The following SLCO3A1 variants were observed in gnomAD, a reference collection of about 807,000 sequenced individuals.
SLCO3A1 encodes PGE1 transporter.
In SLCO3A1, 27 loss-of-function variants were observed where a neutral mutation model predicts 63.1. The ratio of observed to expected loss-of-function variants is 0.43; its 90% CI spans 0.32 to 0.59. SLCO3A1 has a LOEUF of 0.59. SLCO3A1 is among the 20% of genes least tolerant of loss of function. The pLI is 0.09. For synonymous variants in SLCO3A1, 473 were observed against 409.9 expected (o/e 1.15, Z -1.86); for missense variants, 773 against 945.8 (o/e 0.82, Z 2.40).
chr15:92,027,790 A>G (rs1245655656), intron 2 of SLCO3A1, among the ~76,000 whole-genome samples: 1 of 152,218 alleles, frequency 6.6e-6, no homozygotes, highest in Non-Finnish European at 1.5e-5. Flanking sequence ...TGAAAACAGG[A>G]CCGCGTAAAA....
chr15:91,926,507 ATGAG>A (rs10557597), intron 2 of SLCO3A1, among the ~76,000 whole-genome samples: 8,243 of 150,170 alleles, frequency 0.055, 806 homozygotes, highest in African/African-American at 0.19. Context: ...AGCTAAATAA[ATGAG>A]TATGTTCCAT....
chr15:92,046,377 A>G (rs76579996), intron 2 of SLCO3A1, among the ~76,000 whole-genome samples: 1 of 151,734 alleles, frequency 6.6e-6, no homozygotes, highest in African/African-American at 2.4e-5. Context: ...AAAAAAAAAA[A>G]TACCTGGGCG....
chr15:92,009,134 G>A (rs1340640920), intron 2 of SLCO3A1, among the ~76,000 whole-genome samples: 1 of 152,196 alleles, frequency 6.6e-6, no homozygotes, highest in Non-Finnish European at 1.5e-5. Flanking sequence ...TCAAGGTCAA[G>A]GGCTGCATGC....
At chr15:91,903,758 G>C (rs1035454672) in intron 1 of SLCO3A1, among the ~76,000 whole-genome samples, 9 of 152,308 alleles carry the variant, frequency 5.9e-5, no homozygotes, top group Admixed American at 5.9e-4. Context: ...GCCATAAGAT[G>C]GTAGCCATAG....
intron 1 of SLCO3A1, among the ~76,000 whole-genome samples, chr15:91,890,496 T>C (rs1296924667): frequency 6.6e-6 from 1 of 152,210 alleles, no homozygotes; most frequent in Non-Finnish European, 1.5e-5. Context: ...CCCAGAGCTC[T>C]ATCCCCTATG....
chr15:91,917,189 C>A (rs567191749), intron 2 of SLCO3A1, among the ~76,000 whole-genome samples: 1 of 152,216 alleles, frequency 6.6e-6, no homozygotes, highest in East Asian at 1.9e-4. Flanking sequence ...GCCAGCCCCG[C>A]ATCTCTATCC....
chr15:92,162,707 A>C, intron 9 of SLCO3A1, 49 bp from the exon 10 acceptor site: 1 of 1,562,536 alleles, frequency 6.4e-7, no homozygotes, highest in Non-Finnish European at 8.7e-7. Context: ...GGAACAGGGG[A>C]GCACTGGCCA....
At chr15:91,921,937 G>A (rs2151383475) in intron 2 of SLCO3A1, among the ~76,000 whole-genome samples, 1 of 151,968 alleles carries the variant, frequency 6.6e-6, no homozygotes, top group South Asian at 2.1e-4. Context: ...GTTTCGTCAT[G>A]TTGTCCAGGC....
chr15:92,016,238 TAGATAGATAGATAGATTAGATAGATAG>T (rs2046428582), intron 2 of SLCO3A1, among the ~76,000 whole-genome samples: 2 of 59,164 alleles, frequency 3.4e-5, no homozygotes, highest in East Asian at 4.1e-3. Context: ...GATAGATAGA[TAGATAGATAGATAGATTAGATAGATAG>T]ATAGATAGAT....
At chr15:92,133,806 T>C (rs2048024393) in intron 7 of SLCO3A1, among the ~76,000 whole-genome samples, 1 of 151,862 alleles carries the variant, frequency 6.6e-6, no homozygotes, top group African/African-American at 2.4e-5. Flanking sequence ...ATAATAGAAA[T>C]AAAGCGCATG....
At chr15:91,889,221 G>T (rs770794521) in intron 1 of SLCO3A1, 4 of 1,245,470 alleles carry the variant, frequency 3.2e-6, no homozygotes, top group Non-Finnish European at 4.2e-6. Context: ...TTCTAAAATT[G>T]TTGCCAGGAA....
chr15:91,872,124 G>A lies in SLCO3A1; in HGVS notation c.180+18036G>A, dbSNP rs1897296034. ...GGGGAATTGCCTTCGTCGAGGATGT[G>A]GTGTGTGCCCGGGAGGACACAAGCA... On this transcript the variant is annotated intron_variant, in intron 1 of 9. Coordinates refer to ENST00000318445, the MANE Select transcript of SLCO3A1 (RefSeq NM_013272.4). This position sits in a 1 kb window ranked among gnomAD's most constrained non-coding sequence, Gnocchi z 4.1. 6.6e-6 allele frequency among the ~76,000 whole-genome samples: 1 copy of A among 152,148 alleles called. No individual in the cohort carries two copies. The highest frequency in any genetic ancestry group is 2.4e-5 in the African/African-American group (1 of 41,428).
At chr15:92,146,794 G>A (rs1000353019) in intron 7 of SLCO3A1, among the ~76,000 whole-genome samples, 190 bp from the exon 8 acceptor site, 3 of 151,872 alleles carry the variant, frequency 2.0e-5, no homozygotes, top group African/African-American at 4.9e-5. Flanking sequence ...TCTCCTCCCC[G>A]TAAATATTCC....
chr15:91,853,988 AG>A lies in SLCO3A1; in HGVS notation c.81del (p.Lys29ArgfsTer21). On this transcript the variant is annotated frameshift_variant, in exon 1 of 10. Transcript: ENST00000318445. LOFTEE classifies it high-confidence loss of function. ...ELQGDEAQRN[K>X]KKKKKVSCFS... ...CAGGGGGACGAGGCGCAGAGGAACA[AG>A]AAAAAGAAAAAGAAGGTGTCCTGCT... 1 of 1,533,002 alleles carries A rather than the reference AG, an allele frequency of 6.5e-7. No homozygotes were observed. The highest frequency in any genetic ancestry group is 8.8e-7 in the Non-Finnish European group (1 of 1,139,154). 95.0% of individuals were successfully genotyped at this position (1,533,002 alleles called of 1,614,324 possible).
chr15:92,163,181 T>A lies in SLCO3A1; in HGVS notation c.*46T>A. The A allele has an allele frequency of 7.1e-7, 1 of 1,415,356 alleles. No individual in the cohort carries two copies. The highest frequency in any genetic ancestry group is 9.2e-7 in the Non-Finnish European group (1 of 1,087,118). The allele number at this position is 1,415,356 out of a possible 1,614,324, so 87.7% of individuals were successfully genotyped here. A position where few individuals can be genotyped will look rare whatever the true frequency, so the allele number is the denominator to read the frequency against. On this transcript the variant is annotated 3_prime_UTR_variant, in exon 10 of 10. Transcript: ENST00000318445. ...TCTGTATTAGTAATCCAAGGGTCAT[T>A]TTTTTCTTAAAAAAAGAAAAAAAGG...
chr15:92,016,070 T>C (rs2046422535), intron 2 of SLCO3A1, among the ~76,000 whole-genome samples: 1 of 152,114 alleles, frequency 6.6e-6, no homozygotes, highest in Admixed American at 6.5e-5. Flanking sequence ...CTAGACATTA[T>C]AGGGTTTTAT....
intron 2 of SLCO3A1, among the ~76,000 whole-genome samples, chr15:91,931,819 A>ACACACACT (rs1219494698): frequency 6.6e-6 from 1 of 151,704 alleles, no homozygotes. Context: ...ACACACACAC[A>ACACACACT]CACTCACACA....
intron 7 of SLCO3A1, among the ~76,000 whole-genome samples, chr15:92,146,242 G>A (rs12901919): frequency 6.6e-6 from 1 of 152,104 alleles, no homozygotes; most frequent in Non-Finnish European, 1.5e-5. Context: ...TGGAGTGAGT[G>A]GGGGAGAGGA....
chr15:92,134,048 A>T (rs899613753), intron 7 of SLCO3A1, among the ~76,000 whole-genome samples: 1 of 152,226 alleles, frequency 6.6e-6, no homozygotes, highest in Non-Finnish European at 1.5e-5. Context: ...GATAGCTATC[A>T]TGGGACCTGC....
Sources: allele counts gnomAD v4.1 joint callset (sites outside exome capture counted in the v4.1 genomes callset), GRCh38; gene constraint gnomAD v4.1.1; non-coding constraint Gnocchi (gnomAD v3.1); transcripts MANE v1.5; gene names NCBI Gene and HGNC (gene_info 2026-07-23, HGNC 2026-07-21).